Variants in PAK1 observed in about 807,000 individuals in gnomAD.
PAK1 encodes serine/threonine-protein kinase PAK 1.
Under a neutral mutation model 67.4 loss-of-function variants are expected in PAK1, and 29 were observed. The observed-to-expected ratio is 0.43, with a 90% CI of 0.32 to 0.59. The LOEUF is 0.59. Among genes scored for constraint, PAK1 ranks in the 20% least tolerant of loss-of-function variants. PAK1 has a pLI of 0.07. For synonymous variants in PAK1, 223 were observed against 237.4 expected (o/e 0.94, Z 0.56); for missense variants, 337 against 670.7 (o/e 0.50, Z 5.50).
At chr11:77,415,718 G>C (rs956955333) in intron 1 of PAK1, among the ~76,000 whole-genome samples, 3 of 152,074 alleles carry the variant, frequency 2.0e-5, no homozygotes, top group African/African-American at 7.2e-5. Flanking sequence ...TAAGTGAATG[G>C]AAAGGCCTAG....
intron 10 of PAK1, 88 bp downstream of exon 10, chr11:77,343,731 A>AGGGCTGGCACT: frequency 1.3e-6 from 1 of 791,916 alleles, no homozygotes; most frequent in Non-Finnish European, 2.3e-6. Context: ...GGCAGTTCTG[A>AGGGCTGGCACT]GGGCTGGCAC....
At chr11:77,528,701 A>C in the PAK1 span, among the ~76,000 whole-genome samples, 1 of 152,030 alleles carries the variant, frequency 6.6e-6, no homozygotes, top group Non-Finnish European at 1.5e-5. Context: ...CTTTTTCTTC[A>C]TACCATTTAT....
the PAK1 span, among the ~76,000 whole-genome samples, chr11:77,508,902 C>T: frequency 6.8e-6 from 1 of 147,748 alleles, no homozygotes; most frequent in Admixed American, 6.7e-5. Context: ...CCTAGTGATC[C>T]GCCCGCCTCG....
intron 5 of PAK1, among the ~76,000 whole-genome samples, chr11:77,365,692 C>CTG (rs1565621216): frequency 6.6e-6 from 1 of 151,592 alleles, no homozygotes; most frequent in African/African-American, 2.4e-5. Flanking sequence ...AATTAGCTGG[C>CTG]TGTGGTGGCA....
At chr11:77,367,930 G>C (rs1429949422) in intron 5 of PAK1, among the ~76,000 whole-genome samples, 1 of 152,234 alleles carries the variant, frequency 6.6e-6, no homozygotes, top group Non-Finnish European at 1.5e-5. Flanking sequence ...AGTGAGCTGA[G>C]ATCACGCCGC....
intron 5 of PAK1, among the ~76,000 whole-genome samples, chr11:77,373,420 T>C (rs1309200958): frequency 1.3e-5 from 2 of 151,894 alleles, no homozygotes; most frequent in Non-Finnish European, 2.9e-5. Flanking sequence ...ATAAGCTGAG[T>C]GTGATGGCTT....
chr11:77,465,874 G>A (rs1332041906), intron 1 of PAK1, among the ~76,000 whole-genome samples: 4 of 152,100 alleles, frequency 2.6e-5, no homozygotes, highest in African/African-American at 7.2e-5. Context: ...GCTTGAGCCC[G>A]GGAGGGCAGC....
chr11:77,388,039 A>C (rs1354015918), intron 2 of PAK1, among the ~76,000 whole-genome samples: 1 of 152,264 alleles, frequency 6.6e-6, no homozygotes, highest in Non-Finnish European at 1.5e-5. Context: ...CTATGTGCCC[A>C]GGGCAAATAT....
chr11:77,337,780 G>A (rs1942953624), intron 11 of PAK1, among the ~76,000 whole-genome samples: 1 of 152,080 alleles, frequency 6.6e-6, no homozygotes, highest in Non-Finnish European at 1.5e-5. Context: ...CAGACCAGAG[G>A]AAAACAACAA....
chr11:77,424,833 C>T (rs1955465164), intron 1 of PAK1, among the ~76,000 whole-genome samples: 1 of 152,204 alleles, frequency 6.6e-6, no homozygotes, highest in South Asian at 2.1e-4. Context: ...ATGCTTATCA[C>T]TTACCACAGA....
At chr11:77,449,152 G>A (rs1380886152) in intron 1 of PAK1, among the ~76,000 whole-genome samples, 1 of 152,178 alleles carries the variant, frequency 6.6e-6, no homozygotes, top group Admixed American at 6.5e-5. Context: ...CCTCTTTGGG[G>A]ACAAGACTTG....
chr11:77,415,859 T>G (rs564353752), intron 1 of PAK1, among the ~76,000 whole-genome samples: 87 of 152,208 alleles, frequency 5.7e-4, no homozygotes, highest in African/African-American at 2.0e-3. Context: ...AACTTTTTAA[T>G]TTTTTAAAAA....
At chr11:77,352,879 C>T (rs1031331138) in intron 8 of PAK1, among the ~76,000 whole-genome samples, 4 of 152,116 alleles carry the variant, frequency 2.6e-5, no homozygotes, top group Admixed American at 6.6e-5. Flanking sequence ...CACTCTATGA[C>T]GCTCACATGA....
intron 1 of PAK1, among the ~76,000 whole-genome samples, chr11:77,394,354 T>C (rs935992422): frequency 7.2e-5 from 11 of 152,200 alleles, no homozygotes; most frequent in Non-Finnish European, 1.5e-4. Context: ...TTTTGAAAAT[T>C]AGTGATCCCA....
chr11:77,421,806 G>A (rs181317064), intron 1 of PAK1, among the ~76,000 whole-genome samples: 9 of 152,186 alleles, frequency 5.9e-5, no homozygotes, highest in Non-Finnish European at 1.2e-4. Flanking sequence ...GACAGGGGAA[G>A]GGAGGAAGAA....
the PAK1 span, among the ~76,000 whole-genome samples, chr11:77,497,031 G>C: frequency 1.3e-5 from 2 of 152,204 alleles, no homozygotes; most frequent in Non-Finnish European, 2.9e-5. Context: ...ACTAGGCAGG[G>C]CTCTGGTGAA....
At chr11:77,465,338 T>C (rs1179805394) in intron 1 of PAK1, among the ~76,000 whole-genome samples, 2 of 152,096 alleles carry the variant, frequency 1.3e-5, no homozygotes, top group Non-Finnish European at 2.9e-5. Context: ...TAACTTCTGT[T>C]CATTTATAAA....
In PAK1 at chr11:77,462,310, A is replaced by G. The variant is rs186078101; in HGVS notation, c.-22+11242T>C. 8.1e-3 allele frequency among the ~76,000 whole-genome samples: 1,205 copies of G among 149,192 alleles called. 21 individuals are homozygous for G. The highest frequency in any genetic ancestry group is 0.029 in the African/African-American group (1,139 of 39,548). On this transcript the variant is annotated intron_variant, in intron 1 of 14. Coordinates refer to ENST00000356341, the MANE Select transcript of PAK1 (RefSeq NM_002576.5). Reference sequence around the variant, plus strand: ...TGCTCCACTGCACTCCAGCCTGGGCAACAGAGTGAGACTCCGTCTCAAAAA... The same window carrying G: ...TGCTCCACTGCACTCCAGCCTGGGCGACAGAGTGAGACTCCGTCTCAAAAA...
At chr11:77,346,920 A>AAAT (rs753927485) in intron 9 of PAK1, 4 of 425,500 alleles carry the variant, frequency 9.4e-6, no homozygotes, top group Non-Finnish European at 1.9e-5. Context: ...CACACTTGAA[A>AAAT]AATAATTGTT....
Sources: allele counts gnomAD v4.1 joint callset (sites outside exome capture counted in the v4.1 genomes callset), GRCh38; gene constraint gnomAD v4.1.1; transcripts MANE v1.5; gene names NCBI Gene and HGNC (gene_info 2026-07-23, HGNC 2026-07-21).